Variants in AGAP1 observed in about 807,000 individuals in gnomAD.
The protein encoded by AGAP1 is arf-GAP with GTPase, ANK repeat and PH domain-containing protein 1.
In AGAP1, 29 loss-of-function variants were observed where a neutral mutation model predicts 105.3. The ratio of observed to expected loss-of-function variants is 0.28; its 90% confidence interval spans 0.21 to 0.38. AGAP1 has a LOEUF of 0.38. Among genes scored for constraint, AGAP1 ranks in the 10% least tolerant of loss-of-function variants. The pLI is 1.00. For missense variants in AGAP1, 998 were observed against 1,165.1 expected, an observed-to-expected ratio of 0.86 and a Z score of 2.09; for synonymous variants, 509 against 485.9, an observed-to-expected ratio of 1.05 and a Z score of -0.63.
At position 235,535,110 on chromosome 2, in the gene AGAP1, G is replaced by A. The variant is rs1027697994; in HGVS notation, c.163+40261G>A. ...TGCTCCCCCAGGTGAATGGATTCTC[G>A]CCAGGGCCAATACTTATCCGCAGGG... On this transcript the variant is annotated intron_variant, in intron 1 of 17. Transcript: ENST00000304032. This position sits in a 1 kb window ranked among gnomAD's most constrained non-coding sequence, Gnocchi z 5.1. 4.6e-5 allele frequency among the ~76,000 whole-genome samples: 7 copies of A among 152,018 alleles called. No individual in the cohort carries two copies. The highest frequency in any genetic ancestry group is 1.7e-4 in the African/African-American group (7 of 41,384).
intron 12 of AGAP1, 106 bp from the exon 13 acceptor site, chr2:235,968,356 G>T (rs2054490963): frequency 7.2e-7 from 1 of 1,385,522 alleles, no homozygotes; most frequent in Non-Finnish European, 9.7e-7. Context: ...TGCAGGGCCT[G>T]TGTGGTATGA....
chr2:235,950,568 C>T (rs1311402743), intron 12 of AGAP1, among the ~76,000 whole-genome samples: 1 of 152,002 alleles, frequency 6.6e-6, no homozygotes, highest in Non-Finnish European at 1.5e-5. Flanking sequence ...TTTAACCTCA[C>T]CCCAGGGGAT....
At chr2:235,812,704 C>A (rs551035725) in intron 9 of AGAP1, among the ~76,000 whole-genome samples, 1 of 152,204 alleles carries the variant, frequency 6.6e-6, no homozygotes, top group Non-Finnish European at 1.5e-5. Context: ...AGTGCCCTTC[C>A]TTCAGGGGCA....
In AGAP1 at chr2:235,632,687, G is replaced by A. The variant is rs376185261; in HGVS notation, c.164-76492G>A. Among the ~76,000 whole-genome samples, 5 of 152,272 alleles carry A rather than the reference G, an allele frequency of 3.3e-5. No homozygotes were observed. In the East Asian group the frequency reaches 9.6e-4, roughly 29 times the overall value. ...CACCTGGCCTCCCTCTGGGGACCACGGTTCTGTCACCTCTCCTGCTATTTA... is the reference window on the plus strand; with the variant it reads ...CACCTGGCCTCCCTCTGGGGACCACAGTTCTGTCACCTCTCCTGCTATTTA... On this transcript the variant is annotated intron_variant, in intron 1 of 17. Coordinates refer to ENST00000304032, the MANE Select transcript of AGAP1 (RefSeq NM_001037131.3).
chr2:235,921,578 T>A (rs940768711), intron 11 of AGAP1, among the ~76,000 whole-genome samples: 3 of 152,208 alleles, frequency 2.0e-5, no homozygotes, highest in Non-Finnish European at 4.4e-5. Flanking sequence ...AATTCCAGGA[T>A]GTGGAATCCT....
chr2:236,056,355 T>C lies in AGAP1; in HGVS notation c.2114+7074T>C, dbSNP rs920874174. ...AGCTGTCTAGGGTTGAAAATCCTTA[T>C]CATTTACGTTCTGAAATACGGCCGT... On this transcript the variant is annotated intron_variant, in intron 16 of 17. Coordinates refer to ENST00000304032, the MANE Select transcript of AGAP1 (RefSeq NM_001037131.3). This position sits in a 1 kb window ranked among gnomAD's most constrained non-coding sequence, Gnocchi z 4.6. Among the ~76,000 whole-genome samples the C allele has an allele frequency of 2.6e-5, 4 of 152,180 alleles. No homozygotes were observed. The highest frequency in any genetic ancestry group is 5.9e-5 in the Non-Finnish European group (4 of 68,046).
chr2:235,803,293 A>G (rs187431067), intron 8 of AGAP1, among the ~76,000 whole-genome samples: 195 of 152,328 alleles, frequency 1.3e-3, no homozygotes, highest in African/African-American at 3.7e-3. Flanking sequence ...CATCCAAGGA[A>G]CAAAAAGAAG....
At chr2:235,761,690 A>G (rs542480872) in intron 6 of AGAP1, among the ~76,000 whole-genome samples, 1 of 152,326 alleles carries the variant, frequency 6.6e-6, no homozygotes, top group African/African-American at 2.4e-5. Context: ...TTAACCCTCC[A>G]TGGAATCGAT....
At position 235,866,525 on chromosome 2, in the gene AGAP1, C is replaced by T. The variant is rs1559582697; in HGVS notation, c.1051-16820C>T. ...GACTGGTGAGGTCAGCATTGGACCA[C>T]CTCCCATGCTGGGTGCCATCAGTGT... On this transcript the variant is annotated intron_variant, in intron 9 of 17. Coordinates refer to ENST00000304032, the MANE Select transcript of AGAP1 (RefSeq NM_001037131.3). This position sits in a 1 kb window ranked among gnomAD's most constrained non-coding sequence, Gnocchi z 6.1. Among the ~76,000 whole-genome samples, 1 of 152,188 alleles carries T rather than the reference C, an allele frequency of 6.6e-6. No individual in the cohort carries two copies. Among genetic ancestry groups the T allele is most frequent in the South Asian group, 2.1e-4 (1 of 4,826 alleles).
chr2:236,066,066 C>A (rs1002124453), intron 16 of AGAP1, among the ~76,000 whole-genome samples: 2 of 152,192 alleles, frequency 1.3e-5, no homozygotes, highest in African/African-American at 4.8e-5. Flanking sequence ...TCCTGAAAAC[C>A]CTTCTTCCAT....
Position 235,719,981 on chromosome 2 carries a change from A to C in AGAP1, c.310+2337A>C, listed in dbSNP as rs1020094052. On this transcript the variant is annotated intron_variant, in intron 3 of 17. Transcript: ENST00000304032. This position sits in a 1 kb window ranked among gnomAD's most constrained non-coding sequence, Gnocchi z 4.9. ...CCACCTTTCCCGTGTAGAACCAAGC[A>C]GGTGGCCACTGTCTTTGCCCCTCTT... 3.9e-5 allele frequency among the ~76,000 whole-genome samples: 6 copies of C among 152,002 alleles called. No homozygotes were observed. The highest frequency in any genetic ancestry group is 1.5e-4 in the African/African-American group (6 of 41,368).
rs1203863282 is a variant in AGAP1 at position 235,983,892 on chromosome 2, C to A, written c.1645+15269C>A. ...AATGCATCACTTAACGATGGGGATA[C>A]ATGGCTGTATGTAACATAAAATTTG... On this transcript the variant is annotated intron_variant, in intron 13 of 17. Transcript: ENST00000304032. The surrounding 1 kb of genome is among the most constrained non-coding windows in gnomAD (Gnocchi z 4.5). Among the ~76,000 whole-genome samples, 2 of 152,220 alleles carry A rather than the reference C, an allele frequency of 1.3e-5. No homozygotes were observed. Among genetic ancestry groups the A allele is most frequent in the Non-Finnish European group, 1.5e-5 (1 of 68,042 alleles).
At chr2:235,709,923 T>C (rs1370820373) in intron 2 of AGAP1, among the ~76,000 whole-genome samples, 1 of 152,214 alleles carries the variant, frequency 6.6e-6, no homozygotes, top group Non-Finnish European at 1.5e-5. Context: ...TTTGTGTGTA[T>C]GGTTATGTAT....
In AGAP1 at chr2:236,126,007, A is replaced by G. The variant is rs1013131204; in HGVS notation, c.*1885A>G. The G allele has an allele frequency of 6.6e-6, 1 of 151,976 alleles. No individual in the cohort carries two copies. Among genetic ancestry groups the G allele is most frequent in the African/African-American group, 2.4e-5 (1 of 41,228 alleles). 9.4% of individuals were successfully genotyped at this position (151,976 alleles called of 1,614,324 possible). ...TCTCGTATGTTAAACCTTATATTTTATAAGAGTTTTTCCTCTTATTTCACT... is the reference window on the plus strand; with the variant it reads ...TCTCGTATGTTAAACCTTATATTTTGTAAGAGTTTTTCCTCTTATTTCACT... On this transcript the variant is annotated 3_prime_UTR_variant, in exon 18 of 18. Transcript: ENST00000304032.
chr2:235,571,177 A>G (rs9646712), intron 1 of AGAP1, among the ~76,000 whole-genome samples: 47,468 of 152,076 alleles, frequency 0.31, 7,807 homozygotes, highest in Middle Eastern at 0.48. Flanking sequence ...GTGCTCAGCC[A>G]TTCATGAAGG....
At chr2:236,066,118 G>T (rs375269513) in intron 16 of AGAP1, among the ~76,000 whole-genome samples, 10 of 152,224 alleles carry the variant, frequency 6.6e-5, no homozygotes, top group African/African-American at 2.4e-4. Context: ...CTCTGGAGGG[G>T]ACACTCACTG....
At chr2:235,745,717 G>A (rs185723212) in intron 5 of AGAP1, among the ~76,000 whole-genome samples, 2 of 152,344 alleles carry the variant, frequency 1.3e-5, no homozygotes, top group East Asian at 3.9e-4. Flanking sequence ...TTCTCTTTAG[G>A]ACGTCAGCTG....
At chr2:235,746,469 C>G (rs1243851771) in intron 5 of AGAP1, among the ~76,000 whole-genome samples, 2 of 130,328 alleles carry the variant, frequency 1.5e-5, no homozygotes, top group African/African-American at 6.0e-5. Context: ...TCTGTTTAAT[C>G]CTAACACAGA....
At chr2:235,878,999 G>C (rs1375574333) in intron 9 of AGAP1, among the ~76,000 whole-genome samples, 1 of 152,208 alleles carries the variant, frequency 6.6e-6, no homozygotes, top group Non-Finnish European at 1.5e-5. Flanking sequence ...GACACCCAGA[G>C]GTTCTGCGTG....
Sources: allele counts gnomAD v4.1 joint callset (sites outside exome capture counted in the v4.1 genomes callset), GRCh38; gene constraint gnomAD v4.1.1; non-coding constraint Gnocchi (gnomAD v3.1); transcripts MANE v1.5; gene names NCBI Gene and HGNC (gene_info 2026-07-23, HGNC 2026-07-21).